Variants in MYRIP observed in about 807,000 individuals in gnomAD.
MYRIP encodes the protein myosin VIIA and Rab interacting protein.
A neutral mutation model predicts 98.0 loss-of-function variants in MYRIP; 49 were observed. That is an observed-to-expected ratio of 0.50 (90% CI 0.40 to 0.63). The LOEUF (loss-of-function observed/expected upper bound fraction) is 0.63. MYRIP is among the 30% of genes least tolerant of loss of function. The pLI is 0.00. For missense variants in MYRIP, 1,004 were observed against 1,058.2 expected, an observed-to-expected ratio of 0.95 and a Z score of 0.71; for synonymous variants, 404 against 409.5, an observed-to-expected ratio of 0.99 and a Z score of 0.16.
chr3:40,162,090 A>T (rs1950407822), intron 4 of MYRIP, among the ~76,000 whole-genome samples: 1 of 151,352 alleles, frequency 6.6e-6, no homozygotes, highest in South Asian at 2.1e-4. Flanking sequence ...CACTCCCTAC[A>T]CCTCTTGGCT....
In MYRIP at chr3:39,913,314, T is replaced by C. The variant is rs376617556; in HGVS notation, c.110+12388T>C. On this transcript the variant is annotated intron_variant, in intron 2 of 16. Coordinates refer to ENST00000302541, the MANE Select transcript of MYRIP (RefSeq NM_015460.4). ...AACCTCTATAGAGGATGAGATTCACTTGTTATAACCATTAGCTCTAAAGGG... is the reference window on the plus strand; with the variant it reads ...AACCTCTATAGAGGATGAGATTCACCTGTTATAACCATTAGCTCTAAAGGG... Among the ~76,000 whole-genome samples, 59 of 152,296 alleles carry C rather than the reference T, an allele frequency of 3.9e-4. 3 individuals are homozygous for C. The highest frequency in any genetic ancestry group is 1.4e-3 in the African/African-American group (59 of 41,572).
chr3:39,993,702 C>A (rs1946235719), intron 2 of MYRIP, among the ~76,000 whole-genome samples: 1 of 152,106 alleles, frequency 6.6e-6, no homozygotes, highest in African/African-American at 2.4e-5. Flanking sequence ...TTATCTTTGC[C>A]CTACTGAACC....
intron 11 of MYRIP, among the ~76,000 whole-genome samples, chr3:40,226,827 G>A (rs1952505557): frequency 6.6e-6 from 1 of 152,178 alleles, no homozygotes; most frequent in African/African-American, 2.4e-5. Context: ...AACCTGCAGT[G>A]GCACCTCGTT....
intron 13 of MYRIP, among the ~76,000 whole-genome samples, chr3:40,246,610 C>A (rs1022984482): frequency 6.6e-6 from 1 of 151,972 alleles, no homozygotes; most frequent in Non-Finnish European, 1.5e-5. Flanking sequence ...GGCCTTCTAT[C>A]TGTAGCTATC....
intron 2 of MYRIP, among the ~76,000 whole-genome samples, chr3:39,995,935 C>G (rs924061260): frequency 2.3e-4 from 35 of 152,130 alleles, no homozygotes; most frequent in African/African-American, 8.5e-4. Flanking sequence ...CCAAACTAAG[C>G]TTCATAAGTG....
chr3:40,165,686 G>T (rs888558907), intron 5 of MYRIP, among the ~76,000 whole-genome samples: 3 of 150,674 alleles, frequency 2.0e-5, no homozygotes, highest in Non-Finnish European at 4.4e-5. Context: ...ACTTTTCCCA[G>T]CACTTAGCTC....
intron 1 of MYRIP, among the ~76,000 whole-genome samples, chr3:39,888,925 A>G (rs900632522): frequency 9.2e-5 from 14 of 152,196 alleles, no homozygotes; most frequent in African/African-American, 2.2e-4. Flanking sequence ...AACACATGAA[A>G]AAATGCTCAC....
chr3:40,223,320 TTAAGA>T (rs1410848381), intron 11 of MYRIP, among the ~76,000 whole-genome samples: 2 of 152,352 alleles, frequency 1.3e-5, no homozygotes, highest in Admixed American at 1.3e-4. Flanking sequence ...GATCCATTTA[TTAAGA>T]TATTACTCAT....
At chr3:39,957,849 A>G (rs1268587288) in intron 2 of MYRIP, among the ~76,000 whole-genome samples, 8 of 152,224 alleles carry the variant, frequency 5.3e-5, no homozygotes, top group East Asian at 1.9e-4. Flanking sequence ...TACAAAATCA[A>G]TGTGCAACAA....
chr3:40,111,904 T>TCCC (rs1949166447), intron 3 of MYRIP, among the ~76,000 whole-genome samples: 1 of 152,208 alleles, frequency 6.6e-6, no homozygotes, highest in Admixed American at 6.5e-5. Context: ...CTAGTGGATT[T>TCCC]CCTGGCCTTG....
chr3:40,161,544 G>A (rs909498151), intron 4 of MYRIP, among the ~76,000 whole-genome samples: 1 of 152,102 alleles, frequency 6.6e-6, no homozygotes, highest in African/African-American at 2.4e-5. Context: ...CCTCCCCTTG[G>A]TCTTGCATCT....
At chr3:40,154,742 T>C (rs1033665875) in intron 4 of MYRIP, among the ~76,000 whole-genome samples, 1 of 152,090 alleles carries the variant, frequency 6.6e-6, no homozygotes, top group Admixed American at 6.5e-5. Flanking sequence ...TTGTTCCCCC[T>C]GCTGTGTCCA....
chr3:39,933,763 T>C (rs1470073730), intron 2 of MYRIP, among the ~76,000 whole-genome samples: 1 of 152,240 alleles, frequency 6.6e-6, no homozygotes, highest in Non-Finnish European at 1.5e-5. Flanking sequence ...AGAACGACTG[T>C]GTACCAGGCA....
intron 4 of MYRIP, among the ~76,000 whole-genome samples, chr3:40,159,747 A>G (rs1436517513): frequency 3.3e-5 from 5 of 151,888 alleles, no homozygotes; most frequent in Non-Finnish European, 5.9e-5. Context: ...CATTCATTTC[A>G]TCTTCCATCA....
chr3:40,032,409 G>A (rs1294455378), intron 2 of MYRIP, among the ~76,000 whole-genome samples: 1 of 152,070 alleles, frequency 6.6e-6, no homozygotes, highest in Admixed American at 6.6e-5. Flanking sequence ...TATACTTTCT[G>A]TTCTTTTACA....
chr3:40,211,090 A>G (rs1714405), intron 11 of MYRIP, among the ~76,000 whole-genome samples: 69,290 of 151,990 alleles, frequency 0.46, 16,727 homozygotes, highest in Non-Finnish European at 0.55. Flanking sequence ...ACTGAACCTG[A>G]GTCATTGAGG....
At chr3:40,170,215 C>A in intron 8 of MYRIP, 122 bp downstream of exon 8, 3 of 1,287,716 alleles carry the variant, frequency 2.3e-6, no homozygotes, top group South Asian at 3.3e-5. Context: ...GGATGGGGAG[C>A]GAAATTGAAA....
chr3:40,205,523 A>T lies in MYRIP; in HGVS notation c.1666-4331A>T, dbSNP rs576645545. ...ATCGATTTATAAGGTGGGGAGTTTG[A>T]GACACCACACCAGTGGGCAAGCAAC... is the stretch of plus-strand genomic sequence containing the variant. On this transcript the variant is annotated intron_variant, in intron 10 of 16. Transcript: ENST00000302541. Among the ~76,000 whole-genome samples, 7 of 152,324 alleles carry T rather than the reference A, an allele frequency of 4.6e-5. No individual in the cohort carries two copies. The South Asian group carries it at 1.2e-3, about 27-fold the overall frequency.
intron 1 of MYRIP, among the ~76,000 whole-genome samples, chr3:39,885,526 G>C (rs1290749576): frequency 6.6e-6 from 1 of 152,002 alleles, no homozygotes; most frequent in Admixed American, 6.6e-5. Flanking sequence ...TGTATTTCCT[G>C]AATCTGAATG....
Sources: allele counts gnomAD v4.1 joint callset (sites outside exome capture counted in the v4.1 genomes callset), GRCh38; gene constraint gnomAD v4.1.1; transcripts MANE v1.5; gene names NCBI Gene and HGNC (gene_info 2026-07-23, HGNC 2026-07-21).